Variants in DPF3 observed in about 807,000 individuals in gnomAD.
The protein encoded by DPF3 is double PHD fingers 3.
DPF3 carries 18 observed loss-of-function variants against 56.8 expected under a neutral mutation model. That is an observed-to-expected ratio of 0.32 (90% CI 0.22 to 0.47). The LOEUF (loss-of-function observed/expected upper bound fraction) is 0.47, where lower values mean the gene tolerates loss of function less well. Ranked by LOEUF, DPF3 falls within the 20% of genes least tolerant of loss-of-function variation. The pLI, the probability that DPF3 is intolerant of heterozygous loss-of-function variation, is 1.00. For synonymous variants in DPF3, 188 were observed against 180.2 expected (o/e 1.04, Z -0.35); for missense variants, 403 against 488.8 (o/e 0.82, Z 1.65).
At chr14:72,870,360 A>T (rs1472631697) in intron 1 of DPF3, among the ~76,000 whole-genome samples, 3 of 152,212 alleles carry the variant, frequency 2.0e-5, no homozygotes, top group African/African-American at 7.2e-5. Context: ...GGAAAGAAGT[A>T]GTCTCCTTCC....
In DPF3 at chr14:72,662,366, C is replaced by T. The variant is rs556254715; in HGVS notation, c.871+11874G>A. Reference sequence around the variant, plus strand: ...ATGATTTCATGTCTTCACAAAATTGCGCTTAACTTTTGAAGTAGGAGGTAC... The same window carrying T: ...ATGATTTCATGTCTTCACAAAATTGTGCTTAACTTTTGAAGTAGGAGGTAC... On this transcript the variant is annotated intron_variant, in intron 8 of 10. Transcript: ENST00000556509. 58 of 984,938 alleles carry T rather than the reference C, an allele frequency of 5.9e-5. No individual in the cohort carries two copies. In the East Asian group the frequency reaches 1.9e-3, roughly 33 times the overall value. The allele number at this position is 984,938 out of a possible 1,614,324, so 61.0% of individuals were successfully genotyped here.
rs1383453680 is a variant in DPF3, at chr14:72,639,918, A to C, written c.872-10182T>G. Among the ~76,000 whole-genome samples the C allele has an allele frequency of 2.6e-5, 4 of 151,978 alleles. No homozygotes were observed. The East Asian group carries it at 7.7e-4, about 29-fold the overall frequency. ...TATAATACAATGTGATAAGTGCCATAATAGGAGAATGAATGAAGTTCCTAC... is the reference window on the plus strand; with the variant it reads ...TATAATACAATGTGATAAGTGCCATCATAGGAGAATGAATGAAGTTCCTAC... On this transcript the variant is annotated intron_variant, in intron 8 of 10. Transcript: ENST00000556509.
intron 1 of DPF3, among the ~76,000 whole-genome samples, chr14:72,886,012 T>C: frequency 6.6e-6 from 1 of 152,070 alleles, no homozygotes; most frequent in Non-Finnish European, 1.5e-5. Flanking sequence ...TTCCCAGGGA[T>C]GGTAGGAAGC....
Position 72,725,712 on chromosome 14 carries a change from C to T in DPF3, c.430-1984G>A, listed in dbSNP as rs116637654. Reference sequence around the variant, plus strand: ...CTGCACTGTTGTCTGATAACCATCGCTGTTTAAGCCGCCTCCTGGATGACA... The same window carrying T: ...CTGCACTGTTGTCTGATAACCATCGTTGTTTAAGCCGCCTCCTGGATGACA... On this transcript the variant is annotated intron_variant, in intron 4 of 10. Transcript: ENST00000556509. Among the ~76,000 whole-genome samples, 955 of 152,188 alleles carry T rather than the reference C, an allele frequency of 6.3e-3. 10 individuals carry two copies. The highest frequency in any genetic ancestry group is 0.022 in the African/African-American group (918 of 41,504).
chr14:72,838,518 C>A (rs1221851162), intron 1 of DPF3, among the ~76,000 whole-genome samples: 1 of 151,956 alleles, frequency 6.6e-6, no homozygotes, highest in Non-Finnish European at 1.5e-5. Flanking sequence ...CTGGAGAAGA[C>A]AGCAGTCCAT....
At chr14:72,767,778 A>C (rs1599423752) in intron 2 of DPF3, among the ~76,000 whole-genome samples, 1 of 146,314 alleles carries the variant, frequency 6.8e-6, no homozygotes, top group African/African-American at 2.5e-5. Flanking sequence ...AAAAAAAAAA[A>C]ACCCCATAAA....
chr14:72,647,982 T>A (rs1416395689), intron 8 of DPF3, among the ~76,000 whole-genome samples: 1 of 152,150 alleles, frequency 6.6e-6, no homozygotes, highest in Non-Finnish European at 1.5e-5. Flanking sequence ...AGATTCCACA[T>A]CCAGCCTTGC....
chr14:72,700,397 C>A (rs1599367931), intron 6 of DPF3, among the ~76,000 whole-genome samples: 2 of 152,208 alleles, frequency 1.3e-5, no homozygotes, highest in Admixed American at 6.5e-5. Flanking sequence ...GTGGACCCTA[C>A]AAATCACGTA....
At chr14:72,892,022 A>T in intron 1 of DPF3, 1 of 938,922 alleles carries the variant, frequency 1.1e-6, no homozygotes, top group Non-Finnish European at 1.4e-6. Flanking sequence ...CCAAACACGC[A>T]CCCTACTGTG....
At chr14:72,836,405 C>G in intron 1 of DPF3, 2 of 985,594 alleles carry the variant, frequency 2.0e-6, no homozygotes, top group Non-Finnish European at 2.4e-6. Context: ...CCCTGGCCTA[C>G]TCCAGCCACT....
intron 8 of DPF3, among the ~76,000 whole-genome samples, chr14:72,647,847 A>T (rs1226481602): frequency 2.0e-5 from 3 of 152,120 alleles, no homozygotes; most frequent in Non-Finnish European, 1.5e-5. Flanking sequence ...GATTGGTCCT[A>T]ATTTATTGAG....
chr14:72,858,677 C>A (rs1885264549), intron 1 of DPF3, among the ~76,000 whole-genome samples: 1 of 152,194 alleles, frequency 6.6e-6, no homozygotes, highest in Admixed American at 6.5e-5. Flanking sequence ...AGCCAAAGAG[C>A]CTTAGGTGTC....
In DPF3 at chr14:72,611,413, G is replaced by A. The variant is rs904356817; in HGVS notation, c.*7884C>T. Among the ~76,000 whole-genome samples the A allele has an allele frequency of 6.6e-6, 1 of 152,230 alleles. No individual in the cohort carries two copies. Among genetic ancestry groups the A allele is most frequent in the Non-Finnish European group, 1.5e-5 (1 of 68,046 alleles). On this transcript the variant is annotated 3_prime_UTR_variant, in exon 11 of 11. Transcript: ENST00000556509. ...TTTGCTGAAAACCTCTCTGATGCTG[G>A]GTTTCATCCCTGCACACACCAGCAG...
chr14:72,750,234 T>C (rs1281135137), intron 3 of DPF3, among the ~76,000 whole-genome samples: 1 of 152,228 alleles, frequency 6.6e-6, no homozygotes, highest in Non-Finnish European at 1.5e-5. Context: ...CTAGATTCTC[T>C]GCTGGACCCA....
At chr14:72,801,993 G>A (rs1892911462) in intron 1 of DPF3, among the ~76,000 whole-genome samples, 2 of 152,188 alleles carry the variant, frequency 1.3e-5, no homozygotes, top group African/African-American at 2.4e-5. Flanking sequence ...TCCACCTTTG[G>A]GGTGACTCAG....
At chr14:72,657,463 A>C (rs1022341369) in intron 8 of DPF3, among the ~76,000 whole-genome samples, 1 of 152,216 alleles carries the variant, frequency 6.6e-6, no homozygotes, top group African/African-American at 2.4e-5. Flanking sequence ...ACTAGTAAAC[A>C]GCTTTCCAAA....
chr14:72,665,329 G>C (rs1159087296), intron 8 of DPF3, among the ~76,000 whole-genome samples: 1 of 152,148 alleles, frequency 6.6e-6, no homozygotes, highest in Non-Finnish European at 1.5e-5. Context: ...CACGCATACT[G>C]TTATTACTCA....
At chr14:72,659,577 A>G (rs1413162888) in intron 8 of DPF3, among the ~76,000 whole-genome samples, 1 of 152,224 alleles carries the variant, frequency 6.6e-6, no homozygotes, top group Non-Finnish European at 1.5e-5. Flanking sequence ...TAGTATATGC[A>G]AAGAAAGCCC....
intron 1 of DPF3, among the ~76,000 whole-genome samples, chr14:72,823,106 C>T (rs1325447784): frequency 6.6e-6 from 1 of 152,222 alleles, no homozygotes; most frequent in African/African-American, 2.4e-5. Flanking sequence ...AATGGGTTGG[C>T]GAGGGAAGGT....
Sources: gnomAD v4.1 joint callset for allele counts (sites outside exome capture counted in the v4.1 genomes callset) on GRCh38, gnomAD v4.1.1 for gene constraint, MANE v1.5 for transcripts, NCBI Gene and HGNC (gene_info 2026-07-23, HGNC 2026-07-21) for gene names.